The following ATP2B4 variants were observed in gnomAD, a reference collection of about 807,000 sequenced individuals.
ATP2B4 encodes the protein plasma membrane calcium-transporting ATPase 4.
A neutral mutation model predicts 110.3 loss-of-function variants in ATP2B4; 39 were observed. That is an observed-to-expected ratio of 0.35 (90% confidence interval 0.27 to 0.46). The LOEUF (loss-of-function observed/expected upper bound fraction) is 0.46. Ranked by LOEUF, ATP2B4 falls within the 20% of genes least tolerant of loss-of-function variation. The probability of loss-of-function intolerance (pLI) is 1.00; values close to 1 mark genes in which losing one functional copy is unlikely to be tolerated. For synonymous variants in ATP2B4, 538 were observed against 571.7 expected (o/e 0.94, Z 0.84); for missense variants, 1,135 against 1,530.9 (o/e 0.74, Z 4.32).
At chr1:203,695,988 C>T (rs2102379754) in intron 2 of ATP2B4, among the ~76,000 whole-genome samples, 1 of 152,318 alleles carries the variant, frequency 6.6e-6, no homozygotes, top group South Asian at 2.1e-4. Flanking sequence ...AGTGCAGTTG[C>T]ATGATCTCAG....
intron 18 of ATP2B4, among the ~76,000 whole-genome samples, chr1:203,723,457 TCTCCCTCTGC>T (rs1666406767): frequency 3.5e-5 from 4 of 113,500 alleles, no homozygotes; most frequent in African/African-American, 1.5e-4. Context: ...TCTCTCTCTC[TCTCCCTCTGC>T]CTCTCTCTCT....
chr1:203,683,161 A>T lies in ATP2B4; in HGVS notation c.-45A>T, dbSNP rs1013001648. 7 of 1,587,968 alleles carry T rather than the reference A, an allele frequency of 4.4e-6. No individual in the cohort carries two copies. The highest frequency in any genetic ancestry group is 6.0e-6 in the Non-Finnish European group (7 of 1,165,858). On this transcript the variant is annotated 5_prime_UTR_variant, in exon 2 of 21. Coordinates refer to ENST00000357681, the MANE Select transcript of ATP2B4 (RefSeq NM_001684.5). Reference sequence around the variant, plus strand: ...GGAGACACTGGTCAGTTGAAGGGAAACGCTACATCTTCTCTGGTTGAGGGG... The same window carrying T: ...GGAGACACTGGTCAGTTGAAGGGAATCGCTACATCTTCTCTGGTTGAGGGG...
rs888907527 is a variant in ATP2B4 at position 203,627,641 on chromosome 1, T to A, written c.-465+422T>A. On this transcript the variant is annotated intron_variant, in intron 1 of 20. Coordinates refer to ENST00000357681, the MANE Select transcript of ATP2B4 (RefSeq NM_001684.5). ...CTGTTGCAAAAATATTTTCCGTGTC[T>A]GTTCCCTTTCTCGAAAGCCCAAAAG... Among the ~76,000 whole-genome samples, 3 of 150,200 alleles carry A rather than the reference T, an allele frequency of 2.0e-5. No individual in the cohort carries two copies. In the Admixed American group the frequency reaches 2.0e-4, roughly 10 times the overall value.
intron 1 of ATP2B4, among the ~76,000 whole-genome samples, chr1:203,670,362 A>T (rs1664625135): frequency 6.6e-6 from 1 of 152,092 alleles, no homozygotes; most frequent in Non-Finnish European, 1.5e-5. Context: ...TATTTTTGGT[A>T]GAGACGGGGT....
At chr1:203,724,871 T>C (rs1666459320) in intron 19 of ATP2B4, among the ~76,000 whole-genome samples, 1 of 139,218 alleles carries the variant, frequency 7.2e-6, no homozygotes, top group Non-Finnish European at 1.6e-5. Context: ...CTCTCTGTTT[T>C]TTTTTTTTTT....
At chr1:203,694,719 C>T (rs934456366) in intron 2 of ATP2B4, among the ~76,000 whole-genome samples, 5 of 152,146 alleles carry the variant, frequency 3.3e-5, no homozygotes, top group African/African-American at 1.2e-4. Flanking sequence ...ATCGCATGTA[C>T]TGCCTTGGAT....
At chr1:203,648,754 C>T (rs1438612207) in intron 1 of ATP2B4, among the ~76,000 whole-genome samples, 1 of 152,196 alleles carries the variant, frequency 6.6e-6, no homozygotes, top group East Asian at 1.9e-4. Context: ...TTCACCCCTC[C>T]ACCTTCCTCC....
intron 1 of ATP2B4, among the ~76,000 whole-genome samples, chr1:203,641,393 G>A (rs943630042): frequency 6.6e-6 from 1 of 152,168 alleles, no homozygotes; most frequent in Non-Finnish European, 1.5e-5. Context: ...TCAGGTCTAG[G>A]GGTGGGAGCA....
At chr1:203,635,734 C>T (rs1663418009) in intron 1 of ATP2B4, among the ~76,000 whole-genome samples, 1 of 152,050 alleles carries the variant, frequency 6.6e-6, no homozygotes, top group Admixed American at 6.5e-5. Context: ...GAAATTTTTC[C>T]AAATACTTAG....
At position 203,636,181 on chromosome 1, in the gene ATP2B4, C is replaced by A. The variant is rs542103177; in HGVS notation, c.-465+8962C>A. On this transcript the variant is annotated intron_variant, in intron 1 of 20. Coordinates refer to ENST00000357681, the MANE Select transcript of ATP2B4 (RefSeq NM_001684.5). ...CAAACCTTTAGTGTCCCTTAGAATT[C>A]TCTAATTAGGTGATTCTGAAAGAAA... Among the ~76,000 whole-genome samples, 157 of 152,334 alleles carry A rather than the reference C, an allele frequency of 1.0e-3. 4 individuals carry two copies. The highest frequency in any genetic ancestry group is 1.4e-3 in the Non-Finnish European group (93 of 68,044).
At chr1:203,644,467 T>G (rs908679338) in intron 1 of ATP2B4, among the ~76,000 whole-genome samples, 1 of 152,070 alleles carries the variant, frequency 6.6e-6, no homozygotes, top group African/African-American at 2.4e-5. Context: ...AGACTGGAAG[T>G]TGGGAAACCT....
rs1666973486 is a variant in ATP2B4 at position 203,740,372 on chromosome 1, C to T, written c.*518C>T. The T allele has an allele frequency of 6.5e-6, 1 of 153,774 alleles. No individual in the cohort carries two copies. Among genetic ancestry groups the T allele is most frequent in the African/African-American group, 2.4e-5 (1 of 41,362 alleles). The allele number at this position is 153,774 out of a possible 1,614,324, so 9.5% of individuals were successfully genotyped here. On this transcript the variant is annotated 3_prime_UTR_variant, in exon 21 of 21. Coordinates refer to ENST00000357681, the MANE Select transcript of ATP2B4 (RefSeq NM_001684.5). ...AACTTACACCTAAAGGCCTGTAGGC[C>T]TCTAACTCTTTCTGCCCTTTCATTC...
chr1:203,680,588 G>A (rs7514742), intron 1 of ATP2B4, among the ~76,000 whole-genome samples: 121,185 of 146,024 alleles, frequency 0.83, 51,155 homozygotes, highest in East Asian at 1. Context: ...CAGCCTGGGC[G>A]ACAGAGTGAG....
intron 19 of ATP2B4, among the ~76,000 whole-genome samples, chr1:203,726,213 G>T (rs1030504004): frequency 6.6e-6 from 1 of 151,972 alleles, no homozygotes; most frequent in Non-Finnish European, 1.5e-5. Flanking sequence ...CAGCCTGGAT[G>T]ACAAGAGTGA....
chr1:203,739,120 G>A (rs1666942639), intron 20 of ATP2B4, among the ~76,000 whole-genome samples: 1 of 152,070 alleles, frequency 6.6e-6, no homozygotes, highest in Non-Finnish European at 1.5e-5. Context: ...AAAATGTTTG[G>A]CCTCAGCACA....
chr1:203,729,136 A>G (rs999395034), intron 20 of ATP2B4, among the ~76,000 whole-genome samples: 2 of 152,048 alleles, frequency 1.3e-5, no homozygotes, highest in Admixed American at 6.6e-5. Context: ...AGAGAAAGAA[A>G]AGAAGTTCCC....
intron 2 of ATP2B4, among the ~76,000 whole-genome samples, chr1:203,693,475 G>GA (rs1185977347): frequency 2.0e-5 from 3 of 152,058 alleles, no homozygotes; most frequent in Non-Finnish European, 4.4e-5. Flanking sequence ...TAGATGAGTA[G>GA]AAAATGGCAA....
At chr1:203,680,424 A>C (rs950962895) in intron 1 of ATP2B4, among the ~76,000 whole-genome samples, 3 of 152,078 alleles carry the variant, frequency 2.0e-5, no homozygotes, top group Non-Finnish European at 4.4e-5. Context: ...CCTGGCTAAC[A>C]CGGTGAAACC....
In ATP2B4 at chr1:203,739,879, C is replaced by T. The variant is rs1166395062; in HGVS notation, c.*25C>T. The T allele has an allele frequency of 1.3e-6, 2 of 1,585,876 alleles. No individual in the cohort carries two copies. Among genetic ancestry groups the T allele is most frequent in the African/African-American group, 1.4e-5 (1 of 74,070 alleles). On this transcript the variant is annotated 3_prime_UTR_variant, in exon 21 of 21. Coordinates refer to ENST00000357681, the MANE Select transcript of ATP2B4 (RefSeq NM_001684.5). Reference sequence around the variant, plus strand: ...AATTTTCTTTCTCTGACTCTCATCCCTATTTTACCTATTTCCATTTTCGTC... The same window carrying T: ...AATTTTCTTTCTCTGACTCTCATCCTTATTTTACCTATTTCCATTTTCGTC...
Sources: allele counts gnomAD v4.1 joint callset (sites outside exome capture counted in the v4.1 genomes callset), GRCh38; gene constraint gnomAD v4.1.1; transcripts MANE v1.5; gene names NCBI Gene and HGNC (gene_info 2026-07-23, HGNC 2026-07-21).